Variants in LYRM1 observed in about 807,000 individuals in gnomAD.
The protein encoded by LYRM1 is LYR motif containing 1.
Under a neutral mutation model 14.9 loss-of-function variants are expected in LYRM1, and 14 were observed. That is an observed-to-expected ratio of 0.94 (90% CI 0.62 to 1.47). LYRM1 has a LOEUF of 1.47. Ranked by LOEUF, LYRM1 falls within the 40% of genes most tolerant of loss-of-function variation. The probability of loss-of-function intolerance (pLI) is 0.00; values close to 1 mark genes in which losing one functional copy is unlikely to be tolerated. For missense variants in LYRM1, 153 were observed against 149.9 expected, an observed-to-expected ratio of 1.02 and a Z score of -0.11; for synonymous variants, 43 against 56.2, an observed-to-expected ratio of 0.77 and a Z score of 1.05.
At chr16:20,907,839 T>C (rs553095324) in intron 1 of LYRM1, among the ~76,000 whole-genome samples, 3 of 152,286 alleles carry the variant, frequency 2.0e-5, no homozygotes, top group African/African-American at 7.2e-5. Context: ...CATTTGTATC[T>C]TATTACTCTT....
At chr16:20,914,228 G>T (rs2082747336) in intron 1 of LYRM1, among the ~76,000 whole-genome samples, 1 of 151,534 alleles carries the variant, frequency 6.6e-6, no homozygotes, top group Admixed American at 6.6e-5. Context: ...ACAACCTCTG[G>T]GTGGAACTGA....
Position 20,901,386 on chromosome 16 carries a change from G to T in LYRM1, c.-1+497G>T, listed in dbSNP as rs915617868. ...GAGAGTTAAGTAAATCAATAAAGAA[G>T]GTATCAGCAAGTGAGAAATGCCCCC... On this transcript the variant is annotated intron_variant, in intron 1 of 3. Transcript: ENST00000567954. This position sits in a 1 kb window ranked among gnomAD's most constrained non-coding sequence, Gnocchi z 4.6. 4.6e-5 allele frequency among the ~76,000 whole-genome samples: 7 copies of T among 152,220 alleles called. No homozygotes were observed. Among genetic ancestry groups the T allele is most frequent in the African/African-American group, 1.7e-4 (7 of 41,452 alleles).
At chr16:20,904,328 T>C (rs907392978) in intron 1 of LYRM1, among the ~76,000 whole-genome samples, 2 of 152,228 alleles carry the variant, frequency 1.3e-5, no homozygotes, top group African/African-American at 4.8e-5. Flanking sequence ...AGAATGGGTG[T>C]GCTTGCCTCC....
chr16:20,913,015 G>A (rs75749185), intron 1 of LYRM1, among the ~76,000 whole-genome samples: 3 of 151,710 alleles, frequency 2.0e-5, no homozygotes, highest in Non-Finnish European at 4.4e-5. Context: ...GCAGTGAGCC[G>A]AGATTGCGCC....
chr16:20,921,256 A>C (rs2083173972), intron 3 of LYRM1: 1 of 152,054 alleles, frequency 6.6e-6, no homozygotes, highest in Non-Finnish European at 1.5e-5. Context: ...CGCCCAGCTA[A>C]TGTTTTAATT....
At chr16:20,904,691 T>TTTGTGTG (rs148224628) in intron 1 of LYRM1, among the ~76,000 whole-genome samples, 4 of 141,062 alleles carry the variant, frequency 2.8e-5, no homozygotes, top group African/African-American at 1.1e-4. Context: ...AAGTCTGTGG[T>TTTGTGTG]TGTGTGTGTG....
At chr16:20,913,622 T>C (rs2082714612) in intron 1 of LYRM1, among the ~76,000 whole-genome samples, 2 of 151,834 alleles carry the variant, frequency 1.3e-5, no homozygotes, top group South Asian at 2.1e-4. Flanking sequence ...TCTATATCTT[T>C]TTGTATCTGA....
intron 1 of LYRM1, among the ~76,000 whole-genome samples, chr16:20,907,336 G>C (rs1426654708): frequency 6.6e-6 from 1 of 152,092 alleles, no homozygotes; most frequent in Admixed American, 6.6e-5. Context: ...TTTCCCAAAG[G>C]CTCTTGTTGC....
chr16:20,904,041 C>T (rs1449507559), intron 1 of LYRM1, among the ~76,000 whole-genome samples: 1 of 152,136 alleles, frequency 6.6e-6, no homozygotes, highest in Non-Finnish European at 1.5e-5. Context: ...CACCACATCT[C>T]TTCCACTGCC....
At position 20,907,961 on chromosome 16, in the gene LYRM1, C is replaced by G. The variant is rs375453163; in HGVS notation, c.-1+7072C>G. Among the ~76,000 whole-genome samples, 144 of 152,290 alleles carry G rather than the reference C, an allele frequency of 9.5e-4. 4 individuals are homozygous for G. The South Asian group carries it at 0.029, about 31-fold the overall frequency. ...CATGGCTGCTTATTTATCACTGTAT[C>G]CCCAGAAACGGCAGGTGTCTGGCAC... is the stretch of plus-strand genomic sequence containing the variant. On this transcript the variant is annotated intron_variant, in intron 1 of 3. Transcript: ENST00000567954.
chr16:20,901,607 A>G lies in LYRM1; in HGVS notation c.-1+718A>G, dbSNP rs1315337872. On this transcript the variant is annotated intron_variant, in intron 1 of 3. Transcript: ENST00000567954. The surrounding 1 kb of genome is among the most constrained non-coding windows in gnomAD (Gnocchi z 4.6). ...CTGAAGCAAACAGAGCCAGGGCCGG[A>G]GTGCCCTGTGATGTAGTTGGGGAAG... Among the ~76,000 whole-genome samples the G allele has an allele frequency of 6.6e-6, 1 of 152,246 alleles. No homozygotes were observed. Among genetic ancestry groups the G allele is most frequent in the Non-Finnish European group, 1.5e-5 (1 of 68,038 alleles).
intron 2 of LYRM1, 64 bp downstream of exon 2, chr16:20,915,778 C>T: frequency 6.5e-7 from 1 of 1,539,132 alleles, no homozygotes; most frequent in Non-Finnish European, 8.9e-7. Context: ...TTGTTTATTT[C>T]TTTTCGGTCT....
chr16:20,920,873 G>A (rs1012512006), intron 3 of LYRM1, among the ~76,000 whole-genome samples: 1 of 151,814 alleles, frequency 6.6e-6, no homozygotes, highest in African/African-American at 2.4e-5. Context: ...GGGTGACAGA[G>A]TGAGACCCTG....
At position 20,905,809 on chromosome 16, in the gene LYRM1, A is replaced by G. The variant is rs944320302; in HGVS notation, c.-1+4920A>G. Among the ~76,000 whole-genome samples the G allele has an allele frequency of 2.0e-5, 3 of 152,204 alleles. No homozygotes were observed. The East Asian group carries it at 5.8e-4, about 29-fold the overall frequency. On this transcript the variant is annotated intron_variant, in intron 1 of 3. Coordinates refer to ENST00000567954, the MANE Select transcript of LYRM1 (RefSeq NM_001128302.3). Reference sequence around the variant, plus strand: ...AACTGATGAGGATTCCTCCCCAAGTAACACTGAGTCTCCAGTTCTTTATCC... The same window carrying G: ...AACTGATGAGGATTCCTCCCCAAGTGACACTGAGTCTCCAGTTCTTTATCC...
chr16:20,910,240 T>C (rs2082524469), intron 1 of LYRM1, among the ~76,000 whole-genome samples: 1 of 152,188 alleles, frequency 6.6e-6, no homozygotes, highest in Non-Finnish European at 1.5e-5. Flanking sequence ...AAGAAACATT[T>C]TTCTTTTCTT....
chr16:20,910,689 A>C (rs1339363142), intron 1 of LYRM1, among the ~76,000 whole-genome samples: 4 of 151,954 alleles, frequency 2.6e-5, no homozygotes. Context: ...CAGGAGGCTC[A>C]CTCGAGCCTG....
At chr16:20,920,377 A>G (rs546532548) in intron 3 of LYRM1, 163 bp downstream of exon 3, 2 of 641,074 alleles carry the variant, frequency 3.1e-6, no homozygotes, top group Non-Finnish European at 5.6e-6. Context: ...GCCCATCACA[A>G]CAAAGTAAAA....
rs1445052217 is a variant in LYRM1, at chr16:20,901,078, A to G, written c.-1+189A>G. ...CGGCCTCGGGGACCTGCCTCACGGA[A>G]GTGGCTCGCGCGTCCAAGAGGGGAG... is the stretch of plus-strand genomic sequence containing the variant. On this transcript the variant is annotated intron_variant, in intron 1 of 3. Coordinates refer to ENST00000567954, the MANE Select transcript of LYRM1 (RefSeq NM_001128302.3). This position sits in a 1 kb window ranked among gnomAD's most constrained non-coding sequence, Gnocchi z 4.6. 2 of 152,268 alleles carry G rather than the reference A, an allele frequency of 1.3e-5. No individual in the cohort carries two copies. Among genetic ancestry groups the G allele is most frequent in the Non-Finnish European group, 2.9e-5 (2 of 68,114 alleles). 9.4% of individuals were successfully genotyped at this position (152,268 alleles called of 1,614,324 possible).
chr16:20,919,689 T>C (rs1198072216), intron 2 of LYRM1, among the ~76,000 whole-genome samples: 9 of 152,180 alleles, frequency 5.9e-5, no homozygotes, highest in African/African-American at 2.2e-4. Context: ...GCTCTATAGA[T>C]AGAATATAGA....
Sources: allele counts gnomAD v4.1 joint callset (sites outside exome capture counted in the v4.1 genomes callset), GRCh38; gene constraint gnomAD v4.1.1; non-coding constraint Gnocchi (gnomAD v3.1); transcripts MANE v1.5; gene names NCBI Gene and HGNC (gene_info 2026-07-23, HGNC 2026-07-21).